Variants in TBCD observed in about 807,000 individuals in gnomAD.
TBCD encodes the protein tubulin folding cofactor D.
A neutral mutation model predicts 169.3 loss-of-function variants in TBCD; 105 were observed. The observed-to-expected ratio is 0.62, with a 90% CI of 0.53 to 0.73. The LOEUF (loss-of-function observed/expected upper bound fraction) is 0.73. TBCD is among the 30% of genes least tolerant of loss of function. The pLI is 0.00. For synonymous variants in TBCD, 700 were observed against 643.9 expected, an observed-to-expected ratio of 1.09 and a Z score of -1.32; for missense variants, 1,444 against 1,600.1, an observed-to-expected ratio of 0.90 and a Z score of 1.66.
At chr17:82,859,031 C>T (rs7225774) in intron 13 of TBCD, among the ~76,000 whole-genome samples, 13 of 152,354 alleles carry the variant, frequency 8.5e-5, no homozygotes, top group African/African-American at 3.1e-4. Context: ...TGCTCGGGGC[C>T]CCGAGAGGCC....
At position 82,880,736 on chromosome 17, in the gene TBCD, C is replaced by A. The variant is rs1310386594; in HGVS notation, c.1476-3409C>A. 6.6e-6 allele frequency among the ~76,000 whole-genome samples: 1 copy of A among 152,192 alleles called. No homozygotes were observed. ...CAGTGACACCTGTCTGTCCGTCCGT[C>A]TGTCCACAGGAGCAGGAGGGGCTGG... is the stretch of plus-strand genomic sequence containing the variant. On this transcript the variant is annotated intron_variant, in intron 14 of 38. Coordinates refer to ENST00000355528, the MANE Select transcript of TBCD (RefSeq NM_005993.5). This position sits in a 1 kb window ranked among gnomAD's most constrained non-coding sequence, Gnocchi z 5.0.
At chr17:82,800,042 C>A (rs1468119156) in intron 8 of TBCD, among the ~76,000 whole-genome samples, 4 of 152,102 alleles carry the variant, frequency 2.6e-5, no homozygotes, top group Admixed American at 6.6e-5. Context: ...GTCCCCGCCC[C>A]ACTGCCCCTT....
intron 14 of TBCD, among the ~76,000 whole-genome samples, chr17:82,873,131 G>A (rs750977926): frequency 3.9e-5 from 6 of 152,232 alleles, no homozygotes; most frequent in Admixed American, 6.5e-5. Flanking sequence ...GACGTGTGAC[G>A]GCTGCAGCTG....
At chr17:82,908,870 G>C (rs926322570) in intron 21 of TBCD, among the ~76,000 whole-genome samples, 1 of 152,258 alleles carries the variant, frequency 6.6e-6, no homozygotes, top group Non-Finnish European at 1.5e-5. Flanking sequence ...TGAGCATTCA[G>C]TAAATTTTAG....
At chr17:82,844,803 G>A (rs528294739) in intron 13 of TBCD, among the ~76,000 whole-genome samples, 70 of 152,332 alleles carry the variant, frequency 4.6e-4, no homozygotes, top group African/African-American at 1.3e-3. Flanking sequence ...CTTAGGAACC[G>A]TCATGGGGGT....
chr17:82,764,006 A>T lies in TBCD; in HGVS notation c.277A>T (p.Thr93Ser). 1 of 1,614,012 alleles carries T rather than the reference A, an allele frequency of 6.2e-7. No individual in the cohort carries two copies. Among genetic ancestry groups the T allele is most frequent in the Non-Finnish European group, 8.5e-7 (1 of 1,179,886 alleles). The change falls in exon 3 of 39, where the codon ACA (threonine) becomes TCA (serine). Residue 93 changes from threonine to serine, a missense_variant. Physicochemically the swap from Thr to Ser is moderately conservative, Grantham distance 58. Coordinates refer to ENST00000355528, the MANE Select transcript of TBCD (RefSeq NM_005993.5). ...NLLLDIVQDQ[T>S]SPASLVHLAF... Reference sequence around the variant, plus strand: ...GTTGTTGGACATAGTGCAAGATCAGACATCTCCAGCTTCCCTTGTACATCT... The same window carrying T: ...GTTGTTGGACATAGTGCAAGATCAGTCATCTCCAGCTTCCCTTGTACATCT...
At chr17:82,781,862 C>T (rs2048968018) in intron 7 of TBCD, 141 bp downstream of exon 7, 3 of 1,357,166 alleles carry the variant, frequency 2.2e-6, no homozygotes, top group Non-Finnish European at 2.0e-6. Context: ...GGGTCTTGGG[C>T]AGTTTCCTTT....
chr17:82,932,394 C>G (rs758673961), intron 33 of TBCD, among the ~76,000 whole-genome samples: 1 of 152,212 alleles, frequency 6.6e-6, no homozygotes, highest in African/African-American at 2.4e-5. Context: ...CTCCTGTGCC[C>G]GACGTGTTTG....
At chr17:82,800,565 C>T (rs560798065) in intron 8 of TBCD, among the ~76,000 whole-genome samples, 31 of 152,100 alleles carry the variant, frequency 2.0e-4, no homozygotes, top group African/African-American at 6.0e-4. Context: ...GTGGGGTCTC[C>T]GTGGCTGCAG....
chr17:82,932,568 C>T (rs2062297095), intron 33 of TBCD, 90 bp from the exon 34 acceptor site: 2 of 1,026,948 alleles, frequency 1.9e-6, no homozygotes, highest in African/African-American at 1.6e-5. Flanking sequence ...TTGTCGCTTT[C>T]CACTGGGATC....
chr17:82,796,646 C>G (rs1007048286), intron 7 of TBCD, among the ~76,000 whole-genome samples: 1 of 152,184 alleles, frequency 6.6e-6, no homozygotes, highest in Non-Finnish European at 1.5e-5. Flanking sequence ...CTGTTTTGAT[C>G]GTAGGTGTGG....
intron 3 of TBCD, among the ~76,000 whole-genome samples, chr17:82,764,342 ACTT>A (rs1402290697): frequency 1.3e-5 from 2 of 152,104 alleles, no homozygotes; most frequent in Non-Finnish European, 2.9e-5. Context: ...AATCAGAAAA[ACTT>A]CTTACAAGGA....
chr17:82,865,714 C>A (rs1004125013), intron 13 of TBCD, among the ~76,000 whole-genome samples: 7 of 152,200 alleles, frequency 4.6e-5, no homozygotes, highest in African/African-American at 9.7e-5. Context: ...TATCAGAAGG[C>A]GTAACTATAT....
intron 24 of TBCD, 117 bp from the exon 25 acceptor site, chr17:82,921,384 C>A: frequency 1.2e-6 from 1 of 826,222 alleles, no homozygotes; most frequent in Non-Finnish European, 2.1e-6. Flanking sequence ...TCCACAGATT[C>A]CTCTCAAAGG....
intron 37 of TBCD, 73 bp downstream of exon 37, chr17:82,939,549 TC>T: frequency 8.2e-7 from 1 of 1,216,882 alleles, no homozygotes. Context: ...CCGTGTCTAC[TC>T]GTCTCTCCCA....
rs2062091518 is a variant in TBCD, at chr17:82,930,304, T to C, written c.2992-218T>C. ...GCATGTCCTAAGTGAGGGCTCAGGCTGAGCTGCCGTTGCCGAGAGCCTTGT... is the reference window on the plus strand; with the variant it reads ...GCATGTCCTAAGTGAGGGCTCAGGCCGAGCTGCCGTTGCCGAGAGCCTTGT... On this transcript the variant is annotated intron_variant, in intron 32 of 38. Transcript: ENST00000355528. This position sits in a 1 kb window ranked among gnomAD's most constrained non-coding sequence, Gnocchi z 5.2. 5 of 596,232 alleles carry C rather than the reference T, an allele frequency of 8.4e-6. No individual in the cohort carries two copies. In the East Asian group the frequency reaches 9.0e-5, roughly 11 times the overall value. The allele number at this position is 596,232 out of a possible 1,614,324, so 36.9% of individuals were successfully genotyped here.
In TBCD at chr17:82,943,705, C is replaced by G. The variant is rs889449480; in HGVS notation, c.*1242C>G. 6.6e-6 allele frequency: 1 copy of G among 152,256 alleles called. No homozygotes were observed. The highest frequency in any genetic ancestry group is 2.4e-5 in the African/African-American group (1 of 41,452). 9.4% of individuals were successfully genotyped at this position (152,256 alleles called of 1,614,324 possible). On this transcript the variant is annotated 3_prime_UTR_variant, in exon 39 of 39. Coordinates refer to ENST00000355528, the MANE Select transcript of TBCD (RefSeq NM_005993.5). ...GGATGTGTGTGACGACCTGGCCACA[C>G]AGGAGTGTGGGGTTAACACACTACT...
chr17:82,893,465 T>C, intron 16 of TBCD, 82 bp from the exon 17 acceptor site: 1 of 1,129,830 alleles, frequency 8.9e-7, no homozygotes. Flanking sequence ...TGTAAATGTC[T>C]GTGGATGTGA....
rs2061367272 is a variant in TBCD at position 82,920,709 on chromosome 17, A to G, written c.2101+91A>G. Reference sequence around the variant, plus strand: ...TGAACCTGTTAGGATGGGGGCGATAAACGATTATAGCTTAAAGGTTCAAGA... The same window carrying G: ...TGAACCTGTTAGGATGGGGGCGATAGACGATTATAGCTTAAAGGTTCAAGA... On this transcript the variant is annotated intron_variant, in intron 24 of 38. Transcript: ENST00000355528. This position sits in a 1 kb window ranked among gnomAD's most constrained non-coding sequence, Gnocchi z 4.1. 1.8e-6 allele frequency: 2 copies of G among 1,118,654 alleles called. No homozygotes were observed. The highest frequency in any genetic ancestry group is 5.0e-5 in the Admixed American group (2 of 40,184). 69.3% of individuals were successfully genotyped at this position (1,118,654 alleles called of 1,614,324 possible). A position where few individuals can be genotyped will look rare whatever the true frequency, so the allele number is the denominator to read the frequency against.
Sources: allele counts gnomAD v4.1 joint callset (sites outside exome capture counted in the v4.1 genomes callset), GRCh38; gene constraint gnomAD v4.1.1; non-coding constraint Gnocchi (gnomAD v3.1); transcripts MANE v1.5; gene names NCBI Gene and HGNC (gene_info 2026-07-23, HGNC 2026-07-21).